Variants in ESR1 observed in about 807,000 individuals in gnomAD.
ESR1 encodes estrogen receptor 1.
In ESR1, 12 loss-of-function variants were observed where a neutral mutation model predicts 52.7. The ratio of observed to expected loss-of-function variants is 0.23; its 90% CI spans 0.15 to 0.37. The LOEUF (loss-of-function observed/expected upper bound fraction) is 0.37, where lower values mean the gene tolerates loss of function less well. Among genes scored for constraint, ESR1 ranks in the 10% least tolerant of loss-of-function variants. The pLI is 1.00. For missense variants in ESR1, 584 were observed against 779.7 expected, an observed-to-expected ratio of 0.75 and a Z score of 2.99; for synonymous variants, 305 against 316.8, an observed-to-expected ratio of 0.96 and a Z score of 0.39.
At chr6:151,705,450 T>C (rs1197506019) in intron 2 of ESR1, among the ~76,000 whole-genome samples, 1 of 151,862 alleles carries the variant, frequency 6.6e-6, no homozygotes, top group Non-Finnish European at 1.5e-5. Flanking sequence ...GAAAAGATGA[T>C]GGAAAAGATG....
chr6:152,111,003 C>A (rs1585274427), intron 6 of ESR1, among the ~76,000 whole-genome samples: 1 of 152,078 alleles, frequency 6.6e-6, no homozygotes, highest in African/African-American at 2.4e-5. Flanking sequence ...TGTACCTTGG[C>A]ACCAGGAGGA....
chr6:151,880,178 TCTG>T (rs1792587590), intron 2 of ESR1, among the ~76,000 whole-genome samples: 2 of 106,642 alleles, frequency 1.9e-5, no homozygotes, highest in Non-Finnish European at 4.1e-5. Flanking sequence ...GGTTTTTTGT[TCTG>T]TTTTTTTTTT....
intron 7 of ESR1, among the ~76,000 whole-genome samples, chr6:152,097,165 CACACACACACACAT>C (rs1585243140): frequency 1.3e-5 from 2 of 151,294 alleles, no homozygotes; most frequent in South Asian, 4.2e-4. Flanking sequence ...CTCTCTCTGA[CACACACACACACAT>C]ACACACACAC....
Position 152,070,969 on chromosome 6 carries a change from A to G in ESR1, c.1369+9845A>G, listed in dbSNP as rs533199156. Among the ~76,000 whole-genome samples, 5 of 138,510 alleles carry G rather than the reference A, an allele frequency of 3.6e-5. 2 individuals are homozygous for G. Among genetic ancestry groups the G allele is most frequent in the African/African-American group, 1.6e-4 (5 of 31,510 alleles). The allele number at this position is 138,510 out of a possible 152,430, so 90.9% of individuals were successfully genotyped here. The stretch of plus-strand genomic sequence containing the variant: ...ACCGTTGTTTGTTAGCTTGATCACC[A>G]TTTATTGAGTGTTTACTACTTTCCA... On this transcript the variant is annotated intron_variant, in intron 6 of 7. Coordinates refer to ENST00000206249, the MANE Select transcript of ESR1 (RefSeq NM_000125.4).
At chr6:151,969,956 T>A (rs1192178736) in intron 4 of ESR1, among the ~76,000 whole-genome samples, 1 of 152,084 alleles carries the variant, frequency 6.6e-6, no homozygotes, top group African/African-American at 2.4e-5. Flanking sequence ...ATTGCCTCCC[T>A]ATGTGTCCCC....
chr6:151,832,551 T>C (rs1782614725), intron 1 of ESR1, among the ~76,000 whole-genome samples: 1 of 152,208 alleles, frequency 6.6e-6, no homozygotes, highest in African/African-American at 2.4e-5. Flanking sequence ...CACATTTAGA[T>C]GGACTGGGAT....
Position 152,097,863 on chromosome 6 carries a change from G to A in ESR1, c.1554-869G>A, listed in dbSNP as rs140629564. ...GCACTGAGGGTGTGAGTGTGTGCACGTGTGTGTTTGGAGGCGGGAGAATAA... is the reference window on the plus strand; with the variant it reads ...GCACTGAGGGTGTGAGTGTGTGCACATGTGTGTTTGGAGGCGGGAGAATAA... On this transcript the variant is annotated intron_variant, in intron 7 of 7. Transcript: ENST00000206249. Among the ~76,000 whole-genome samples, 164 of 152,270 alleles carry A rather than the reference G, an allele frequency of 1.1e-3. 3 individuals are homozygous for A. The highest frequency in any genetic ancestry group is 9.9e-3 in the Admixed American group (151 of 15,298).
intron 3 of ESR1, among the ~76,000 whole-genome samples, chr6:151,914,202 C>T (rs763437993): frequency 6.6e-6 from 1 of 151,706 alleles, no homozygotes; most frequent in Non-Finnish European, 1.5e-5. Context: ...ATTCAGGGCT[C>T]ACAATTTCTT....
At chr6:151,835,280 G>A (rs938230629) in intron 1 of ESR1, among the ~76,000 whole-genome samples, 1 of 152,128 alleles carries the variant, frequency 6.6e-6, no homozygotes, top group African/African-American at 2.4e-5. Flanking sequence ...TTCATGTGGA[G>A]GTGCAGAGTG....
upstream of ESR1, among the ~76,000 whole-genome samples, chr6:151,801,823 C>T (rs1004034523): frequency 2.6e-5 from 4 of 152,186 alleles, no homozygotes; most frequent in African/African-American, 9.6e-5. Context: ...AGGATAGCTC[C>T]GTCCTTTGAT....
At chr6:151,805,493 C>T, upstream of ESR1, 1 of 152,560 alleles carries the variant, frequency 6.6e-6, no homozygotes, top group Non-Finnish European at 1.5e-5. Flanking sequence ...GTTTCTCCTC[C>T]CCAGTACAGC....
chr6:151,734,038 A>G (rs1424974494), intron 2 of ESR1, among the ~76,000 whole-genome samples: 1 of 152,226 alleles, frequency 6.6e-6, no homozygotes, highest in Non-Finnish European at 1.5e-5. Flanking sequence ...CCAACTGCGT[A>G]TGAAGCTCTT....
chr6:151,886,812 G>A (rs578153433), intron 3 of ESR1, among the ~76,000 whole-genome samples: 9 of 152,084 alleles, frequency 5.9e-5, no homozygotes, highest in African/African-American at 2.2e-4. Flanking sequence ...AGGCCGAGGC[G>A]GGTGGATCAC....
At position 152,101,953 on chromosome 6, in the gene ESR1, A is replaced by G. The variant is rs1184009096; in HGVS notation, c.*2987A>G. 1.8e-5 allele frequency: 4 copies of G among 216,974 alleles called. No homozygotes were observed. In the East Asian group the frequency reaches 2.0e-4, roughly 11 times the overall value. The allele number at this position is 216,974 out of a possible 1,614,324, so 13.4% of individuals were successfully genotyped here. A position where few individuals can be genotyped will look rare whatever the true frequency, so the allele number is the denominator to read the frequency against. Reference sequence around the variant, plus strand: ...AAGAACAACATCAGCAGTAAAGTCCATGGAATAGCTAGTGGTCTGTGTTTC... The same window carrying G: ...AAGAACAACATCAGCAGTAAAGTCCGTGGAATAGCTAGTGGTCTGTGTTTC... On this transcript the variant is annotated 3_prime_UTR_variant, in exon 8 of 8. Transcript: ENST00000206249.
intron 2 of ESR1, among the ~76,000 whole-genome samples, chr6:151,718,788 T>A (rs1781241877): frequency 6.6e-6 from 1 of 152,228 alleles, no homozygotes; most frequent in African/African-American, 2.4e-5. Flanking sequence ...AGAGTCCGGT[T>A]GGAAGCCTTC....
intron 2 of ESR1, among the ~76,000 whole-genome samples, chr6:151,767,863 G>A (rs1220688886): frequency 2.0e-5 from 3 of 152,192 alleles, no homozygotes; most frequent in Non-Finnish European, 2.9e-5. Flanking sequence ...AGAATAATAG[G>A]AGACATTTGT....
Position 151,933,611 on chromosome 6 carries a change from T to G in ESR1, c.761-10562T>G, listed in dbSNP as rs543754299. ...TGGGTTTGTCATAGATAGCTCTTAT[T>G]ATTTTGACATACGTCCCATCAATAC... On this transcript the variant is annotated intron_variant, in intron 3 of 7. Coordinates refer to ENST00000206249, the MANE Select transcript of ESR1 (RefSeq NM_000125.4). 1.5e-4 allele frequency among the ~76,000 whole-genome samples: 23 copies of G among 152,312 alleles called. No individual in the cohort carries two copies. In the South Asian group the frequency reaches 4.8e-3, roughly 32 times the overall value.
intron 6 of ESR1, among the ~76,000 whole-genome samples, chr6:152,066,581 T>C: frequency 6.6e-6 from 1 of 152,204 alleles, no homozygotes; most frequent in South Asian, 2.1e-4. Context: ...GGAGCTGGCT[T>C]ATTGTCATTA....
At chr6:152,128,875 C>T (rs2054443385) in exon 7 of ESR1, 1 of 152,234 alleles carries the variant, frequency 6.6e-6, no homozygotes, top group Admixed American at 6.5e-5. Context: ...GGGTGTGCCC[C>T]AAACAGAGGT....
Sources: gnomAD v4.1 joint callset for allele counts (sites outside exome capture counted in the v4.1 genomes callset) on GRCh38, gnomAD v4.1.1 for gene constraint, MANE v1.5 for transcripts, NCBI Gene and HGNC (gene_info 2026-07-23, HGNC 2026-07-21) for gene names.